The following GNAS-AS1 variants were observed in gnomAD, a reference collection of about 807,000 sequenced individuals.
GNAS-AS1 encodes the protein GNAS antisense RNA 1 (non-protein coding).
intron 4 of GNAS-AS1, among the ~76,000 whole-genome samples, chr20:58,837,735 G>A (rs2085614202): frequency 6.6e-6 from 1 of 152,222 alleles, no homozygotes; most frequent in South Asian, 2.1e-4. Flanking sequence ...GAGCCACCAT[G>A]CCCAGCCCAA....
intron 4 of GNAS-AS1, among the ~76,000 whole-genome samples, chr20:58,837,941 T>A (rs1026929768): frequency 3.9e-5 from 6 of 152,184 alleles, no homozygotes; most frequent in African/African-American, 1.4e-4. Context: ...TGAGAATGGC[T>A]GTGGGTACCT....
intron 4 of GNAS-AS1, among the ~76,000 whole-genome samples, chr20:58,835,137 C>T (rs774420671): frequency 9.2e-5 from 14 of 151,698 alleles, no homozygotes; most frequent in Non-Finnish European, 1.6e-4. Context: ...TTGAGCCTTA[C>T]TGGCTGATTG....
chr20:58,828,448 A>G (rs1473317900), intron 4 of GNAS-AS1, among the ~76,000 whole-genome samples: 2 of 152,190 alleles, frequency 1.3e-5, no homozygotes, highest in African/African-American at 2.4e-5. Flanking sequence ...TGTAGTAAAC[A>G]ATTGAGGGAT....
Position 58,840,555 on chromosome 20 carries a change from C to A in GNAS-AS1, n.819+1382G>T, listed in dbSNP as rs1277175163. 5.6e-6 allele frequency: 9 copies of A among 1,613,144 alleles called. No homozygotes were observed. The highest frequency in any genetic ancestry group is 7.6e-6 in the Non-Finnish European group (9 of 1,179,970). ...GAAGACGATCGCGGCCCGGTGGTGCCCAAGCACTCCACCTTCGGCCAGTCC... is the reference window on the plus strand; with the variant it reads ...GAAGACGATCGCGGCCCGGTGGTGCACAAGCACTCCACCTTCGGCCAGTCC... On this transcript the variant is annotated intron_variant and non_coding_transcript_variant, in intron 4 of 4. Coordinates refer to ENST00000424094, the Ensembl canonical transcript of GNAS-AS1. The surrounding 1 kb of genome is among the most constrained non-coding windows in gnomAD (Gnocchi z 6.0).
intron 1 of GNAS-AS1, among the ~76,000 whole-genome samples, chr20:58,849,879 T>G (rs756740021): frequency 6.6e-6 from 1 of 152,214 alleles, no homozygotes; most frequent in Non-Finnish European, 1.5e-5. Flanking sequence ...TTCCTAAAAG[T>G]AGGCTCAAAT....
At position 58,840,517 on chromosome 20, in the gene GNAS-AS1, C is replaced by A; in HGVS notation, n.819+1420G>T. ...CTGAGACCGCCCCCACCACTGAGCC[C>A]GAGACCGAGCCTGAAGACGATCGCG... On this transcript the variant is annotated intron_variant and non_coding_transcript_variant, in intron 4 of 4. Coordinates refer to ENST00000424094, the Ensembl canonical transcript of GNAS-AS1. The surrounding 1 kb of genome is among the most constrained non-coding windows in gnomAD (Gnocchi z 6.0). The A allele has an allele frequency of 6.2e-7, 1 of 1,613,638 alleles. No individual in the cohort carries two copies. The highest frequency in any genetic ancestry group is 8.5e-7 in the Non-Finnish European group (1 of 1,180,012).
intron 2 of GNAS-AS1, chr20:58,848,729 AG>A (rs1430393429): frequency 2.5e-6 from 1 of 392,620 alleles, no homozygotes; most frequent in Non-Finnish European, 4.5e-6. Context: ...TAAACCCACT[AG>A]CCGATCACCC....
intron 4 of GNAS-AS1, among the ~76,000 whole-genome samples, chr20:58,830,577 C>T (rs2085560445): frequency 9.0e-6 from 1 of 110,836 alleles, no homozygotes; most frequent in Non-Finnish European, 2.0e-5. Flanking sequence ...ACCACCACAC[C>T]ACCACCACCA....
intron 4 of GNAS-AS1, chr20:58,825,904 G>C: frequency 2.5e-6 from 1 of 394,504 alleles, no homozygotes. Flanking sequence ...TGCCACTGCT[G>C]CTGCTGCACA....
chr20:58,839,862 C>T lies in GNAS-AS1; in HGVS notation n.819+2075G>A, dbSNP rs2085654315. The T allele has an allele frequency of 1.3e-5, 8 of 597,018 alleles. No individual in the cohort carries two copies. In the East Asian group the frequency reaches 1.4e-4, roughly 10 times the overall value. The allele number at this position is 597,018 out of a possible 1,614,324, so 37.0% of individuals were successfully genotyped here. On this transcript the variant is annotated intron_variant and non_coding_transcript_variant, in intron 4 of 4. Coordinates refer to ENST00000424094, the Ensembl canonical transcript of GNAS-AS1. ...GCCCGGGAGGAGACAGAACTTTCCC[C>T]TTTTTTCCCATCCCTTCTTCTTGCT...
intron 4 of GNAS-AS1, among the ~76,000 whole-genome samples, chr20:58,829,607 G>C (rs937573630): frequency 1.3e-5 from 2 of 152,154 alleles, no homozygotes; most frequent in Non-Finnish European, 2.9e-5. Context: ...ACTATTCCTC[G>C]CTTGGAACTG....
At chr20:58,823,625 G>A (rs1019910029) in intron 4 of GNAS-AS1, among the ~76,000 whole-genome samples, 1 of 152,246 alleles carries the variant, frequency 6.6e-6, no homozygotes, top group East Asian at 1.9e-4. Flanking sequence ...TTTCCACATG[G>A]ATGGTGACAA....
intron 4 of GNAS-AS1, among the ~76,000 whole-genome samples, chr20:58,820,165 C>T (rs1438376600): frequency 6.6e-6 from 1 of 152,242 alleles, no homozygotes; most frequent in Non-Finnish European, 1.5e-5. Flanking sequence ...GCCACCCATG[C>T]ACATGACCTG....
At chr20:58,825,580 T>C (rs2085514118) in intron 4 of GNAS-AS1, among the ~76,000 whole-genome samples, 1 of 152,150 alleles carries the variant, frequency 6.6e-6, no homozygotes, top group African/African-American at 2.4e-5. Context: ...ACAGCTGACT[T>C]AGAGAGAAGT....
At chr20:58,847,122 T>C (rs891334683) in intron 2 of GNAS-AS1, among the ~76,000 whole-genome samples, 1 of 152,220 alleles carries the variant, frequency 6.6e-6, no homozygotes, top group Admixed American at 6.5e-5. Context: ...AAACAGAATT[T>C]GGGGCACCTT....
chr20:58,831,199 T>G (rs2145458175), intron 4 of GNAS-AS1, among the ~76,000 whole-genome samples: 1 of 150,366 alleles, frequency 6.7e-6, no homozygotes, highest in Non-Finnish European at 1.5e-5. Context: ...GAATTGGAGG[T>G]TCCTAGATTT....
chr20:58,830,428 A>AC (rs2085553286), intron 4 of GNAS-AS1, among the ~76,000 whole-genome samples: 1 of 119,886 alleles, frequency 8.3e-6, no homozygotes, highest in Non-Finnish European at 1.7e-5. Context: ...CACCACCGCC[A>AC]CACCACCATC....
Position 58,841,713 on chromosome 20 carries a change from A to G in GNAS-AS1, n.819+224T>C. ...TAAGGGGACCCTTGGGGATGCCCCT[A>G]CGGGCTACCAGGGTTGAACGCACAG... On this transcript the variant is annotated intron_variant and non_coding_transcript_variant, in intron 4 of 4. Transcript: ENST00000424094. The surrounding 1 kb of genome is among the most constrained non-coding windows in gnomAD (Gnocchi z 5.0). 1 of 1,217,444 alleles carries G rather than the reference A, an allele frequency of 8.2e-7. No homozygotes were observed. The highest frequency in any genetic ancestry group is 4.3e-5 in the South Asian group (1 of 23,362). The allele number at this position is 1,217,444 out of a possible 1,614,324, so 75.4% of individuals were successfully genotyped here.
chr20:58,841,776 A>T lies in GNAS-AS1; in HGVS notation n.819+161T>A. 8.1e-7 allele frequency: 1 copy of T among 1,230,298 alleles called. No individual in the cohort carries two copies. The highest frequency in any genetic ancestry group is 1.0e-6 in the Non-Finnish European group (1 of 987,582). 76.2% of individuals were successfully genotyped at this position (1,230,298 alleles called of 1,614,324 possible). A position where few individuals can be genotyped will look rare whatever the true frequency, so the allele number is the denominator to read the frequency against. On this transcript the variant is annotated intron_variant and non_coding_transcript_variant, in intron 4 of 4. Transcript: ENST00000424094. The surrounding 1 kb of genome is among the most constrained non-coding windows in gnomAD (Gnocchi z 5.0). ...CGGGGTATTGCCAAGCTTTTGGCGC[A>T]GCTGGTCGGGTGGCCAGGCTGCATG...
Sources: gnomAD v4.1 joint callset for allele counts (sites outside exome capture counted in the v4.1 genomes callset) on GRCh38, gnomAD v4.1.1 for gene constraint, Gnocchi (gnomAD v3.1) non-coding constraint, MANE v1.5 for transcripts, NCBI Gene and HGNC (gene_info 2026-07-23, HGNC 2026-07-21) for gene names.